Variants in FUT8 observed in about 807,000 individuals in gnomAD.
FUT8 encodes the protein fucosyltransferase 8, also known as alpha-(1,6)-fucosyltransferase.
In FUT8, 29 loss-of-function variants were observed where a neutral mutation model predicts 71.3. That is an observed-to-expected ratio of 0.41 (90% CI 0.30 to 0.55). FUT8 has a LOEUF of 0.55. Among genes scored for constraint, FUT8 ranks in the 20% least tolerant of loss-of-function variants. FUT8 has a pLI of 0.34. For synonymous variants in FUT8, 254 were observed against 239.3 expected (o/e 1.06, Z -0.57); for missense variants, 544 against 702.1 (o/e 0.77, Z 2.55).
chr14:65,458,369 TAAAG>T (rs1347010556), intron 2 of FUT8, among the ~76,000 whole-genome samples: 2 of 148,774 alleles, frequency 1.3e-5, no homozygotes, highest in African/African-American at 5.0e-5. Context: ...AAAACATACT[TAAAG>T]AGGGTAAAGG....
At chr14:65,731,207 G>A (rs74461970) in intron 9 of FUT8, among the ~76,000 whole-genome samples, 9,346 of 152,216 alleles carry the variant, frequency 0.061, 519 homozygotes, top group African/African-American at 0.14. Context: ...CAATATACAT[G>A]TAACACATAT....
chr14:65,540,798 T>G (rs574628306), intron 2 of FUT8, among the ~76,000 whole-genome samples: 5 of 152,150 alleles, frequency 3.3e-5, no homozygotes, highest in Non-Finnish European at 7.4e-5. Flanking sequence ...ACTAACGAAG[T>G]GAGAAGATTG....
chr14:65,514,123 G>T (rs1458570549), intron 2 of FUT8, among the ~76,000 whole-genome samples: 1 of 152,216 alleles, frequency 6.6e-6, no homozygotes, highest in Non-Finnish European at 1.5e-5. Flanking sequence ...ATGTTTGTAG[G>T]ACTGGCCTCC....
intron 2 of FUT8, among the ~76,000 whole-genome samples, chr14:65,521,489 C>T (rs150932658): frequency 1.3e-5 from 2 of 152,066 alleles, no homozygotes; most frequent in East Asian, 3.9e-4. Context: ...TGGGAAGATG[C>T]CATTTTTATA....
the FUT8 span, among the ~76,000 whole-genome samples, chr14:65,389,330 C>T: frequency 6.6e-6 from 1 of 151,758 alleles, no homozygotes; most frequent in East Asian, 1.9e-4. Flanking sequence ...CCACCTCAGC[C>T]TCCCAAGTAG....
At position 65,467,720 on chromosome 14, in the gene FUT8, C is replaced by T. The variant is rs550628910; in HGVS notation, c.-228+12002C>T. ...CGAACTCCTGACCTCATGGTCTGCCCGCCTCAGCCTCCCAAAGTGCTGGGA... is the reference window on the plus strand; with the variant it reads ...CGAACTCCTGACCTCATGGTCTGCCTGCCTCAGCCTCCCAAAGTGCTGGGA... On this transcript the variant is annotated intron_variant, in intron 2 of 10. Transcript: ENST00000673929. The surrounding 1 kb of genome is among the most constrained non-coding windows in gnomAD (Gnocchi z 4.1). The T allele has an allele frequency of 1.0e-3, 461 of 445,814 alleles. 5 individuals are homozygous for T. Among genetic ancestry groups the T allele is most frequent in the African/African-American group, 8.8e-3 (429 of 48,860 alleles). The allele number at this position is 445,814 out of a possible 1,614,324, so 27.6% of individuals were successfully genotyped here.
At chr14:65,545,529 G>A (rs534135316) in intron 2 of FUT8, among the ~76,000 whole-genome samples, 3 of 151,812 alleles carry the variant, frequency 2.0e-5, no homozygotes, top group African/African-American at 7.2e-5. Context: ...ACAGTCATTC[G>A]TTAAATTTGC....
chr14:65,629,146 C>T (rs534971025), intron 5 of FUT8, among the ~76,000 whole-genome samples: 3 of 152,304 alleles, frequency 2.0e-5, no homozygotes, highest in Admixed American at 6.5e-5. Context: ...CTAATACTAA[C>T]GTCAACTTCT....
intron 7 of FUT8, among the ~76,000 whole-genome samples, chr14:65,692,943 T>C (rs1321446604): frequency 6.1e-5 from 9 of 147,316 alleles, no homozygotes; most frequent in Non-Finnish European, 1.0e-4. Context: ...ACTTCCTAGA[T>C]GGGATGGTGG....
the FUT8 span, among the ~76,000 whole-genome samples, chr14:65,387,876 C>T: frequency 1.3e-5 from 2 of 152,122 alleles, no homozygotes; most frequent in East Asian, 3.8e-4. Context: ...CCATCATGAC[C>T]ACAAGTAGAA....
At chr14:65,733,193 A>T (rs769804165) in intron 9 of FUT8, 38 bp from the exon 10 acceptor site, 39 of 1,359,050 alleles carry the variant, frequency 2.9e-5, no homozygotes, top group Non-Finnish European at 3.7e-5. Flanking sequence ...GGATACTGTG[A>T]TATCTATGAC....
At chr14:65,408,314 G>A (rs1279656408), upstream of FUT8, among the ~76,000 whole-genome samples, 1 of 152,132 alleles carries the variant, frequency 6.6e-6, no homozygotes, top group East Asian at 1.9e-4. Context: ...ACCTGGAATT[G>A]ACACATACCA....
intron 3 of FUT8, among the ~76,000 whole-genome samples, chr14:65,562,671 A>G (rs1295446369): frequency 6.6e-6 from 1 of 151,128 alleles, no homozygotes; most frequent in Non-Finnish European, 1.5e-5. Context: ...CTTACTCCAG[A>G]GGTGGTAATT....
chr14:65,465,550 C>G (rs919658520), intron 2 of FUT8, among the ~76,000 whole-genome samples: 1 of 152,106 alleles, frequency 6.6e-6, no homozygotes, highest in African/African-American at 2.4e-5. Context: ...TTTTGATCTA[C>G]GAGTTATTTG....
At chr14:65,677,504 T>C (rs1892820523) in intron 7 of FUT8, among the ~76,000 whole-genome samples, 1 of 152,174 alleles carries the variant, frequency 6.6e-6, no homozygotes, top group African/African-American at 2.4e-5. Flanking sequence ...CAACTAGTGA[T>C]ACTATAAGTC....
chr14:65,399,996 CTG>C, the FUT8 span, among the ~76,000 whole-genome samples: 1 of 152,158 alleles, frequency 6.6e-6, no homozygotes, highest in Non-Finnish European at 1.5e-5. Context: ...GTTCTAGACA[CTG>C]GGGATATCAT....
At chr14:65,697,025 A>G (rs1894030593) in intron 7 of FUT8, among the ~76,000 whole-genome samples, 1 of 152,112 alleles carries the variant, frequency 6.6e-6, no homozygotes, top group Non-Finnish European at 1.5e-5. Context: ...GTTACTTGCA[A>G]ACTCTCTGTA....
the FUT8 span, among the ~76,000 whole-genome samples, chr14:65,365,484 T>C: frequency 2.0e-5 from 3 of 152,022 alleles, no homozygotes; most frequent in Non-Finnish European, 4.4e-5. Context: ...CCTTCCCAGA[T>C]GGTTAAGGCA....
intron 3 of FUT8, among the ~76,000 whole-genome samples, chr14:65,585,866 A>T (rs532637657): frequency 6.6e-6 from 1 of 152,310 alleles, no homozygotes; most frequent in African/African-American, 2.4e-5. Flanking sequence ...ATAATTACTG[A>T]AACAGTAAGC....
Sources: allele counts gnomAD v4.1 joint callset (sites outside exome capture counted in the v4.1 genomes callset), GRCh38; gene constraint gnomAD v4.1.1; non-coding constraint Gnocchi (gnomAD v3.1); transcripts MANE v1.5; gene names NCBI Gene and HGNC (gene_info 2026-07-23, HGNC 2026-07-21).